FAM193A: variants seen among roughly 807,000 people sequenced by gnomAD.
The protein encoded by FAM193A is family with sequence similarity 193 member A, also known as protein FAM193A.
Under a neutral mutation model 126.5 loss-of-function variants are expected in FAM193A, and 22 were observed. The observed-to-expected ratio is 0.17, with a 90% CI of 0.12 to 0.25. FAM193A has a LOEUF of 0.25. FAM193A is among the 10% of genes least tolerant of loss of function. The pLI, the probability that FAM193A is intolerant of heterozygous loss-of-function variation, is 1.00. For missense variants in FAM193A, 1,675 were observed against 1,672.8 expected (o/e 1.00, Z -0.02); for synonymous variants, 761 against 646.8 (o/e 1.18, Z -2.68).
At chr4:2,707,470 G>A (rs1220372048) in intron 19 of FAM193A, among the ~76,000 whole-genome samples, 2 of 152,034 alleles carry the variant, frequency 1.3e-5, no homozygotes, top group African/African-American at 4.8e-5. Flanking sequence ...AGTCCAAATT[G>A]AGAAGTGTTA....
intron 1 of FAM193A, among the ~76,000 whole-genome samples, chr4:2,572,179 A>C (rs1209109265): frequency 6.6e-6 from 1 of 151,672 alleles, no homozygotes; most frequent in Non-Finnish European, 1.5e-5. Flanking sequence ...AAAAAAAAAA[A>C]AAAACTGGGT....
At position 2,613,560 on chromosome 4, in the gene FAM193A, T is replaced by C. The variant is rs1577075261; in HGVS notation, c.502-11702T>C. Among the ~76,000 whole-genome samples the C allele has an allele frequency of 4.6e-5, 7 of 151,822 alleles. No individual in the cohort carries two copies. In the South Asian group the frequency reaches 1.0e-3, roughly 23 times the overall value. On this transcript the variant is annotated intron_variant, in intron 2 of 20. Transcript: ENST00000637812. ...CCTCTGCCTCCTGGGTTCAAGCAAT[T>C]ATCCTGCCTCAGCCTCCCGAGTAGC...
chr4:2,551,932 C>T (rs1290664107), intron 1 of FAM193A, among the ~76,000 whole-genome samples: 1 of 151,608 alleles, frequency 6.6e-6, no homozygotes, highest in Non-Finnish European at 1.5e-5. Context: ...CCTTGAACTC[C>T]TGGACTCAAG....
intron 1 of FAM193A, among the ~76,000 whole-genome samples, chr4:2,573,033 AT>A (rs1457570280): frequency 6.6e-6 from 1 of 151,978 alleles, no homozygotes; most frequent in Non-Finnish European, 1.5e-5. Flanking sequence ...ACATTTTGTT[AT>A]GTTTCTTTAT....
chr4:2,709,897 A>G (rs1381349472), intron 19 of FAM193A, among the ~76,000 whole-genome samples: 3 of 152,154 alleles, frequency 2.0e-5, no homozygotes, highest in African/African-American at 4.8e-5. Flanking sequence ...AAATTATTCT[A>G]TCTCTAGTGA....
At chr4:2,581,989 A>G (rs1398333317) in intron 1 of FAM193A, among the ~76,000 whole-genome samples, 1 of 152,128 alleles carries the variant, frequency 6.6e-6, no homozygotes, top group African/African-American at 2.4e-5. Context: ...TTTTCTGGGT[A>G]TGGAAGTCGT....
In FAM193A at chr4:2,596,328, T is replaced by C. The variant is rs536348867; in HGVS notation, c.500T>C (p.Val167Ala). The stretch of plus-strand genomic sequence containing the variant: ...AGGCATGGCGGCCTTGACCAGCCAG[T>C]GGTGAGTGGCTGCCAGCACAGGCAG... Reference protein sequence around the residue: ...EERHGGLDQPVSQDFLLHSSL... With the variant: ...EERHGGLDQPASQDFLLHSSL... The change falls in exon 2 of 21, where the codon GTG becomes GCG. Residue 167 changes from valine (V) to alanine (A), a missense_variant and splice_region_variant. Val to Ala is a moderately conservative substitution (Grantham distance 64, BLOSUM62 0). Coordinates refer to ENST00000637812, the MANE Select transcript of FAM193A (RefSeq NM_001366318.2). The C allele has an allele frequency of 1.4e-6, 1 of 701,320 alleles. No individual in the cohort carries two copies. Among genetic ancestry groups the C allele is most frequent in the East Asian group, 2.7e-5 (1 of 37,244 alleles). 43.4% of individuals were successfully genotyped at this position (701,320 alleles called of 1,614,324 possible). A position where few individuals can be genotyped will look rare whatever the true frequency, so the allele number is the denominator to read the frequency against.
At chr4:2,600,888 T>G (rs1741158577) in intron 2 of FAM193A, among the ~76,000 whole-genome samples, 1 of 152,240 alleles carries the variant, frequency 6.6e-6, no homozygotes, top group Admixed American at 6.5e-5. Context: ...CTAGGTAGAT[T>G]TTAAAGTTGT....
chr4:2,666,512 A>AG (rs1713132558), intron 12 of FAM193A, among the ~76,000 whole-genome samples: 1 of 152,202 alleles, frequency 6.6e-6, no homozygotes, highest in African/African-American at 2.4e-5. Context: ...TTGGTATCAG[A>AG]GTAATACTGG....
Position 2,649,106 on chromosome 4 carries a change from GC to G in FAM193A, c.1311+2275del, listed in dbSNP as rs561173168. On this transcript the variant is annotated intron_variant, in intron 7 of 20. Coordinates refer to ENST00000637812, the MANE Select transcript of FAM193A (RefSeq NM_001366318.2). ...AAAGTAAAACTGGCCAGGTGCAGTG[GC>G]TCACACCTATAATTTCAGCACTTTG... Among the ~76,000 whole-genome samples, 636 of 152,316 alleles carry G rather than the reference GC, an allele frequency of 4.2e-3. 6 individuals carry two copies. The highest frequency in any genetic ancestry group is 3.9e-3 in the Non-Finnish European group (262 of 68,024).
At chr4:2,546,813 A>G (rs1737591204) in intron 1 of FAM193A, among the ~76,000 whole-genome samples, 1 of 151,956 alleles carries the variant, frequency 6.6e-6, no homozygotes, top group South Asian at 2.1e-4. Context: ...ATATGGTAAC[A>G]TTATGTGAAA....
chr4:2,671,385 C>T (rs1036083307), intron 12 of FAM193A, among the ~76,000 whole-genome samples: 1 of 152,188 alleles, frequency 6.6e-6, no homozygotes, highest in African/African-American at 2.4e-5. Flanking sequence ...ACTGCTTCAC[C>T]CTCTGCCTGA....
At chr4:2,538,376 A>G (rs958678910) in intron 1 of FAM193A, among the ~76,000 whole-genome samples, 7 of 151,882 alleles carry the variant, frequency 4.6e-5, no homozygotes, top group Non-Finnish European at 8.8e-5. Context: ...TAATTTTTGT[A>G]GAGACAGGGT....
chr4:2,541,446 CT>C (rs576194070), intron 1 of FAM193A, among the ~76,000 whole-genome samples: 8,446 of 137,686 alleles, frequency 0.061, 245 homozygotes, highest in African/African-American at 0.13. Context: ...TCATTGTGTA[CT>C]TTTTTTTTTT....
intron 13 of FAM193A, among the ~76,000 whole-genome samples, chr4:2,683,160 C>G (rs1715343248): frequency 6.6e-6 from 1 of 152,110 alleles, no homozygotes; most frequent in East Asian, 1.9e-4. Flanking sequence ...GTTTAACTTC[C>G]CTCTGTCCTT....
intron 4 of FAM193A, among the ~76,000 whole-genome samples, chr4:2,629,290 G>C (rs1337897028): frequency 6.6e-6 from 1 of 151,458 alleles, no homozygotes; most frequent in Non-Finnish European, 1.5e-5. Flanking sequence ...CTGCTTCTAA[G>C]TTTGGTTGTC....
chr4:2,711,935 A>G (rs1719025793), intron 19 of FAM193A, among the ~76,000 whole-genome samples: 1 of 152,170 alleles, frequency 6.6e-6, no homozygotes, highest in Non-Finnish European at 1.5e-5. Context: ...TCCAAAAAAA[A>G]GAAATTATGT....
At chr4:2,613,376 A>G (rs868544624) in intron 2 of FAM193A, among the ~76,000 whole-genome samples, 1 of 144,166 alleles carries the variant, frequency 6.9e-6, no homozygotes, top group South Asian at 2.2e-4. Flanking sequence ...ATAGAAATTC[A>G]GCTTTTTTTT....
At chr4:2,685,854 T>G (rs982308572) in intron 13 of FAM193A, among the ~76,000 whole-genome samples, 5 of 152,214 alleles carry the variant, frequency 3.3e-5, no homozygotes, top group African/African-American at 7.2e-5. Flanking sequence ...TTTGCATATT[T>G]GTGTCAGAGC....
Sources: gnomAD v4.1 joint callset for allele counts (sites outside exome capture counted in the v4.1 genomes callset) on GRCh38, gnomAD v4.1.1 for gene constraint, MANE v1.5 for transcripts, NCBI Gene and HGNC (gene_info 2026-07-23, HGNC 2026-07-21) for gene names.